Variants in TELO2 observed in about 807,000 individuals in gnomAD.
TELO2 encodes the protein telomere length regulation protein TEL2 homolog.
In TELO2, 71 loss-of-function variants were observed where a neutral mutation model predicts 91.0. The ratio of observed to expected loss-of-function variants is 0.78; its 90% CI spans 0.64 to 0.95. The LOEUF (loss-of-function observed/expected upper bound fraction) is 0.95. TELO2 is among the 40% of genes least tolerant of loss of function. The pLI, the probability that TELO2 is intolerant of heterozygous loss-of-function variation, is 0.00. For synonymous variants in TELO2, 584 were observed against 518.9 expected (o/e 1.13, Z -1.71); for missense variants, 1,183 against 1,141.3 (o/e 1.04, Z -0.53).
rs1382187368 is a variant in TELO2, at chr16:1,493,946, C to T, written c.-36-300C>T. Reference sequence around the variant, plus strand: ...GCTGTGCCCGGGGAACACTCACCAGCATCTCTAGCCTCCACCTCCCTCTCG... The same window carrying T: ...GCTGTGCCCGGGGAACACTCACCAGTATCTCTAGCCTCCACCTCCCTCTCG... On this transcript the variant is annotated intron_variant, in intron 1 of 20. Transcript: ENST00000262319. This position sits in a 1 kb window ranked among gnomAD's most constrained non-coding sequence, Gnocchi z 4.3. Among the ~76,000 whole-genome samples the T allele has an allele frequency of 6.6e-6, 1 of 152,250 alleles. No individual in the cohort carries two copies.
At chr16:1,506,552 G>A in intron 17 of TELO2, 3 of 1,425,454 alleles carry the variant, frequency 2.1e-6, no homozygotes, top group Non-Finnish European at 2.7e-6. Flanking sequence ...CTCCGATGCT[G>A]GGCTTGTGGC....
Position 1,500,235 on chromosome 16 carries a change from C to A in TELO2, c.1002+71C>A, listed in dbSNP as rs114607467. Reference sequence around the variant, plus strand: ...AGCCGTGCGGGGCTCACCTTTTGGGCGGCAGGGTGAGGCTGGCTGGGCTGG... The same window carrying A: ...AGCCGTGCGGGGCTCACCTTTTGGGAGGCAGGGTGAGGCTGGCTGGGCTGG... On this transcript the variant is annotated intron_variant, in intron 7 of 20. Transcript: ENST00000262319. The A allele has an allele frequency of 1.4e-3, 2,121 of 1,536,200 alleles. 36 individuals carry two copies. In the African/African-American group the frequency reaches 0.026, roughly 19 times the overall value.
chr16:1,505,391 TG>T lies in TELO2; in HGVS notation c.1843-16del, dbSNP rs1297320633. 2 of 1,601,926 alleles carry T rather than the reference TG, an allele frequency of 1.2e-6. No individual in the cohort carries two copies. Among genetic ancestry groups the T allele is most frequent in the Non-Finnish European group, 1.7e-6 (2 of 1,171,704 alleles). On this transcript the variant is annotated intron_variant, in intron 15 of 20. Transcript: ENST00000262319. This position sits in a 1 kb window ranked among gnomAD's most constrained non-coding sequence, Gnocchi z 4.3. ...TTCCCTGGAGCAGTGGCGACGGCCC[TG>T]GGCCTGTCTCCCTCCAGGTGCTGAC...
At chr16:1,495,235 G>A in intron 2 of TELO2, 111 bp from the exon 3 acceptor site, 1 of 1,404,200 alleles carries the variant, frequency 7.1e-7, no homozygotes, top group Non-Finnish European at 9.5e-7. Flanking sequence ...ACTTCACGCT[G>A]GTTATGTTGT....
At chr16:1,502,167 G>C (rs1400266851) in intron 12 of TELO2, 32 bp downstream of exon 12, 5 of 1,610,862 alleles carry the variant, frequency 3.1e-6, no homozygotes, top group Non-Finnish European at 4.2e-6. Flanking sequence ...GCCTTGCTGG[G>C]CTGGGCATGG....
At position 1,505,350 on chromosome 16, in the gene TELO2, C is replaced by T; in HGVS notation, c.1843-60C>T. On this transcript the variant is annotated intron_variant, in intron 15 of 20. Transcript: ENST00000262319. This position sits in a 1 kb window ranked among gnomAD's most constrained non-coding sequence, Gnocchi z 4.3. ...GTTTCTGGGGCTTTGGCTGACTTGA[C>T]TCTTGGGAAATGTTCTTCCCTGGAG... 1 of 1,551,764 alleles carries T rather than the reference C, an allele frequency of 6.4e-7. No homozygotes were observed. Among genetic ancestry groups the T allele is most frequent in the Non-Finnish European group, 8.7e-7 (1 of 1,144,862 alleles).
chr16:1,502,375 G>C lies in TELO2; in HGVS notation c.1624G>C (p.Val542Leu). Residue 542 changes from valine (V) to leucine (L), a missense_variant, in exon 13 of 21, where the codon GTC becomes CTC. Val to Leu is a conservative substitution (Grantham distance 32). Coordinates refer to ENST00000262319, the MANE Select transcript of TELO2 (RefSeq NM_016111.4). ...AGCCCTGCGGGCCCTTGAGGGCCTG[G>C]TCTACAGGAGCCCCACAGCCACTCG... ...EAALRALEGLVYRSPTATREV... is the reference protein window; with the variant it reads ...EAALRALEGLLYRSPTATREV... 1 of 1,604,046 alleles carries C rather than the reference G, an allele frequency of 6.2e-7. No homozygotes were observed. Among genetic ancestry groups the C allele is most frequent in the Non-Finnish European group, 8.5e-7 (1 of 1,177,184 alleles).
chr16:1,502,526 G>A (rs970994861), intron 13 of TELO2, 119 bp from the exon 14 acceptor site: 37 of 1,494,626 alleles, frequency 2.5e-5, no homozygotes, highest in East Asian at 4.5e-5. Context: ...TGCCTCTCCC[G>A]GGGGGCCTGC....
At chr16:1,500,542 G>A (rs1336491008) in intron 8 of TELO2, 21 bp from the exon 9 acceptor site, 1 of 1,610,920 alleles carries the variant, frequency 6.2e-7, no homozygotes, top group South Asian at 1.1e-5. Flanking sequence ...GGTGCTCAGG[G>A]GGCCTGTCCG....
chr16:1,501,357 C>G (rs2039668751), intron 9 of TELO2, 63 bp from the exon 10 acceptor site: 14 of 1,553,780 alleles, frequency 9.0e-6, no homozygotes, highest in Non-Finnish European at 1.2e-5. Flanking sequence ...GCTCCCGTGG[C>G]TCCGTCTCGG....
In TELO2 at chr16:1,494,407, G is replaced by A. The variant is rs751442052; in HGVS notation, c.126G>A (p.Met42Ile). ...LESLKRYLGE[M>I]EPPALPREKE... is the part of the protein sequence containing the mutation. ...CCCTGAAGCGGTATCTCGGTGAGATGGAGCCTCCAGCGCTCCCGAGGGAGA... is the reference window on the plus strand; with the variant it reads ...CCCTGAAGCGGTATCTCGGTGAGATAGAGCCTCCAGCGCTCCCGAGGGAGA... Residue 42 changes from methionine to isoleucine, a missense_variant, in exon 2 of 21, where the codon ATG (methionine) becomes ATA (isoleucine). Met to Ile is a conservative substitution (Grantham distance 10, BLOSUM62 1). Transcript: ENST00000262319. The surrounding 1 kb of genome is among the most constrained non-coding windows in gnomAD (Gnocchi z 5.6). The A allele has an allele frequency of 1.2e-6, 2 of 1,613,220 alleles. No homozygotes were observed. Among genetic ancestry groups the A allele is most frequent in the African/African-American group, 1.3e-5 (1 of 74,762 alleles).
chr16:1,494,147 G>T lies in TELO2; in HGVS notation c.-36-99G>T, dbSNP rs974294756. On this transcript the variant is annotated intron_variant, in intron 1 of 20. Transcript: ENST00000262319. The surrounding 1 kb of genome is among the most constrained non-coding windows in gnomAD (Gnocchi z 5.6). ...CGGGACAGGGTTGGGTGGGACCAGG[G>T]TTGAGGGGTGTGGGGTCTCGGGGCG... is the stretch of plus-strand genomic sequence containing the variant. 86 of 779,734 alleles carry T rather than the reference G, an allele frequency of 1.1e-4. No individual in the cohort carries two copies. The South Asian group carries it at 1.3e-3, about 12-fold the overall frequency. 48.3% of individuals were successfully genotyped at this position (779,734 alleles called of 1,614,324 possible). A position where few individuals can be genotyped will look rare whatever the true frequency, so the allele number is the denominator to read the frequency against.
chr16:1,510,103 G>A lies in TELO2; in HGVS notation c.*167G>A. 1.6e-6 allele frequency: 1 copy of A among 623,176 alleles called. No homozygotes were observed. The highest frequency in any genetic ancestry group is 2.8e-6 in the Non-Finnish European group (1 of 357,438). 38.6% of individuals were successfully genotyped at this position (623,176 alleles called of 1,614,324 possible). On this transcript the variant is annotated 3_prime_UTR_variant, in exon 21 of 21. Coordinates refer to ENST00000262319, the MANE Select transcript of TELO2 (RefSeq NM_016111.4). The stretch of plus-strand genomic sequence containing the variant: ...CCGGCCTGCCGCTATTTATAGTGCA[G>A]CCAGTCCGCTAAAAATACACTGGGC...
At chr16:1,508,789 C>T (rs2040004070) in intron 20 of TELO2, among the ~76,000 whole-genome samples, 1 of 152,144 alleles carries the variant, frequency 6.6e-6, no homozygotes, top group Admixed American at 6.5e-5. Context: ...GGGCACGGTA[C>T]CGATGGACAC....
intron 6 of TELO2, 36 bp from the exon 7 acceptor site, chr16:1,500,060 C>T (rs748768202): frequency 9.4e-6 from 15 of 1,591,940 alleles, no homozygotes; most frequent in Non-Finnish European, 1.3e-5. Context: ...AGGCGGCGGC[C>T]TCAGCCCAGT....
rs904264209 is a variant in TELO2 at position 1,505,987 on chromosome 16, G to A, written c.2035-251G>A. Among the ~76,000 whole-genome samples the A allele has an allele frequency of 2.6e-5, 4 of 152,206 alleles. No homozygotes were observed. Among genetic ancestry groups the A allele is most frequent in the Non-Finnish European group, 5.9e-5 (4 of 68,020 alleles). ...GTGCCCAGGGCGGCCTCCCCAGGACGCTCCTCCAGCCTTGAATGTCCTGCC... is the reference window on the plus strand; with the variant it reads ...GTGCCCAGGGCGGCCTCCCCAGGACACTCCTCCAGCCTTGAATGTCCTGCC... On this transcript the variant is annotated intron_variant, in intron 16 of 20. Coordinates refer to ENST00000262319, the MANE Select transcript of TELO2 (RefSeq NM_016111.4). This position sits in a 1 kb window ranked among gnomAD's most constrained non-coding sequence, Gnocchi z 4.3.
intron 20 of TELO2, among the ~76,000 whole-genome samples, 153 bp downstream of exon 20, chr16:1,507,869 T>TCGGCCCGGG (rs1377568866): frequency 5.9e-5 from 5 of 84,740 alleles, no homozygotes; most frequent in African/African-American, 1.3e-4. Context: ...TGTGTGTGTG[T>TCGGCCCGGG]GTGTGTGTGT....
chr16:1,502,698 G>A lies in TELO2; in HGVS notation c.1707G>A (p.Val569=). The change falls in exon 14 of 21, where the codon GTG becomes GTA. Residue 569 remains valine, a synonymous_variant. Transcript: ENST00000262319. ...TGCATCTGGAGGAGAAGACCTGTGTGGTGGGATTTGCAGGGCTGCGCCAGA... is the reference window on the plus strand; with the variant it reads ...TGCATCTGGAGGAGAAGACCTGTGTAGTGGGATTTGCAGGGCTGCGCCAGA... The part of the protein sequence containing the change: ...VLLHLEEKTC[V]VGFAGLRQRA... 6.2e-7 allele frequency: 1 copy of A among 1,612,830 alleles called. No homozygotes were observed. Among genetic ancestry groups the A allele is most frequent in the Non-Finnish European group, 8.5e-7 (1 of 1,179,882 alleles).
At chr16:1,502,854 G>A in intron 14 of TELO2, 77 bp from the exon 15 acceptor site, 1 of 1,603,372 alleles carries the variant, frequency 6.2e-7, no homozygotes. Flanking sequence ...TGCTGGAGCT[G>A]GCTGTGAGGT....
Sources: allele counts gnomAD v4.1 joint callset (sites outside exome capture counted in the v4.1 genomes callset), GRCh38; gene constraint gnomAD v4.1.1; non-coding constraint Gnocchi (gnomAD v3.1); transcripts MANE v1.5; gene names NCBI Gene and HGNC (gene_info 2026-07-23, HGNC 2026-07-21).